IQGAP1: variants seen among roughly 807,000 people sequenced by gnomAD.
IQGAP1 encodes the protein IQ motif containing GTPase activating protein 1.
In IQGAP1, 66 loss-of-function variants were observed where a neutral mutation model predicts 215.6. That is an observed-to-expected ratio of 0.31 (90% CI 0.25 to 0.38). The LOEUF (loss-of-function observed/expected upper bound fraction) is 0.38. Ranked by LOEUF, IQGAP1 falls within the 10% of genes least tolerant of loss-of-function variation. The pLI, the probability that IQGAP1 is intolerant of heterozygous loss-of-function variation, is 1.00. For missense variants in IQGAP1, 1,712 were observed against 1,997.1 expected, an observed-to-expected ratio of 0.86 and a Z score of 2.72; for synonymous variants, 772 against 728.7, an observed-to-expected ratio of 1.06 and a Z score of -0.96.
At chr15:90,457,665 C>T (rs1965705015) in intron 15 of IQGAP1, among the ~76,000 whole-genome samples, 1 of 148,554 alleles carries the variant, frequency 6.7e-6, no homozygotes, top group Admixed American at 6.8e-5. Context: ...TGGTCTCGAA[C>T]TCCTGACCTC....
intron 2 of IQGAP1, among the ~76,000 whole-genome samples, chr15:90,399,941 T>C: frequency 6.6e-6 from 1 of 152,242 alleles, no homozygotes; most frequent in East Asian, 1.9e-4. Context: ...TATATATGAC[T>C]TTGTTATACT....
intron 15 of IQGAP1, among the ~76,000 whole-genome samples, chr15:90,464,808 C>T (rs530327319): frequency 3.8e-4 from 58 of 151,438 alleles, no homozygotes; most frequent in Admixed American, 2.6e-3. Flanking sequence ...GCCGAGATCA[C>T]GCCACTGCAC....
chr15:90,396,168 A>G (rs532241726), intron 2 of IQGAP1, among the ~76,000 whole-genome samples: 17 of 152,314 alleles, frequency 1.1e-4, no homozygotes, highest in South Asian at 4.1e-4. Context: ...TTTTTTGTGC[A>G]TATGTCTTTA....
intron 4 of IQGAP1, among the ~76,000 whole-genome samples, chr15:90,433,354 C>T (rs1413078701): frequency 6.6e-6 from 1 of 152,108 alleles, no homozygotes; most frequent in Non-Finnish European, 1.5e-5. Flanking sequence ...GTTCTGAAAG[C>T]CTCATACTCA....
intron 35 of IQGAP1, among the ~76,000 whole-genome samples, chr15:90,493,009 G>A (rs1244184178): frequency 2.0e-5 from 3 of 152,124 alleles, no homozygotes; most frequent in Non-Finnish European, 2.9e-5. Context: ...TTGGGAGGCC[G>A]AGGCGGGTGT....
chr15:90,492,441 A>AAAAAT, intron 34 of IQGAP1, 104 bp from the exon 35 acceptor site: 1 of 667,920 alleles, frequency 1.5e-6, no homozygotes, highest in Non-Finnish European at 2.3e-6. Context: ...AAAAAAAAAA[A>AAAAAT]GTAGGTAGTC....
chr15:90,467,620 A>C (rs1965849749), intron 18 of IQGAP1, 28 bp downstream of exon 18: 1 of 1,586,806 alleles, frequency 6.3e-7, no homozygotes, highest in Admixed American at 1.9e-5. Flanking sequence ...ACGTAAGAAG[A>C]AGCTGAGAGA....
chr15:90,465,938 C>A, intron 15 of IQGAP1, 63 bp from the exon 16 acceptor site: 1 of 1,253,418 alleles, frequency 8.0e-7, no homozygotes, highest in Non-Finnish European at 1.2e-6. Flanking sequence ...CCCCCTTCTT[C>A]ACATGTATGT....
chr15:90,399,983 G>C (rs539502198), intron 2 of IQGAP1, among the ~76,000 whole-genome samples: 83 of 152,168 alleles, frequency 5.5e-4, no homozygotes, highest in South Asian at 1.7e-3. Flanking sequence ...TCTGAAGCTA[G>C]CTTAATTTTA....
chr15:90,490,840 G>A (rs1193325925), intron 33 of IQGAP1, among the ~76,000 whole-genome samples: 2 of 152,038 alleles, frequency 1.3e-5, no homozygotes, highest in African/African-American at 4.8e-5. Context: ...ACGGAGTCTC[G>A]CTCTGTCGCC....
At chr15:90,390,676 T>G (rs2151692550) in intron 1 of IQGAP1, 98 bp from the exon 2 acceptor site, 1 of 795,654 alleles carries the variant, frequency 1.3e-6, no homozygotes, top group South Asian at 1.5e-5. Flanking sequence ...TTATCCTGAC[T>G]TTCTAGGTGA....
chr15:90,418,393 C>T (rs1475408784), intron 2 of IQGAP1, among the ~76,000 whole-genome samples: 1 of 151,822 alleles, frequency 6.6e-6, no homozygotes, highest in African/African-American at 2.4e-5. Context: ...TGGAGACCAG[C>T]CTGAGTAACA....
chr15:90,419,725 A>G (rs1965106236), intron 2 of IQGAP1, among the ~76,000 whole-genome samples: 1 of 152,228 alleles, frequency 6.6e-6, no homozygotes, highest in South Asian at 2.1e-4. Context: ...GCAGCTCTAT[A>G]TTCGGGGAAA....
intron 8 of IQGAP1, among the ~76,000 whole-genome samples, chr15:90,443,155 C>G (rs1965476001): frequency 6.6e-6 from 1 of 152,122 alleles, no homozygotes; most frequent in Non-Finnish European, 1.5e-5. Flanking sequence ...GAGATGGGGT[C>G]TCGCTATGTT....
At chr15:90,429,242 A>G (rs1965269577) in intron 3 of IQGAP1, among the ~76,000 whole-genome samples, 1 of 152,254 alleles carries the variant, frequency 6.6e-6, no homozygotes. Flanking sequence ...GTTTTTATAC[A>G]TACAAAGCAG....
chr15:90,484,302 A>G lies in IQGAP1; in HGVS notation c.3871A>G (p.Thr1291Ala), dbSNP rs767199108. The change falls in exon 30 of 38, where the codon ACC becomes GCC. Residue 1291 changes from threonine to alanine, a missense_variant. This residue lies in a region of IQGAP1 where 691 missense variants were observed against 923.0 expected (regional missense o/e 0.75). Transcript: ENST00000268182. Reference protein sequence around the residue: ...VDEYSDLVTLTKPVIYISIGE... With the variant: ...VDEYSDLVTLAKPVIYISIGE... Reference sequence around the variant, plus strand: ...TGAGTACTCTGATTTAGTAACCCTCACCAAACCAGTAATCTACATTTCCAT... The same window carrying G: ...TGAGTACTCTGATTTAGTAACCCTCGCCAAACCAGTAATCTACATTTCCAT... 6.2e-7 allele frequency: 1 copy of G among 1,612,976 alleles called. No homozygotes were observed. Among genetic ancestry groups the G allele is most frequent in the Admixed American group, 1.7e-5 (1 of 60,004 alleles).
At chr15:90,392,822 G>A (rs1166356708) in intron 2 of IQGAP1, among the ~76,000 whole-genome samples, 1 of 133,250 alleles carries the variant, frequency 7.5e-6, no homozygotes, top group Non-Finnish European at 1.5e-5. Context: ...TTGGCTCATT[G>A]CAACCTCCAC....
At position 90,470,943 on chromosome 15, in the gene IQGAP1, CAA is replaced by C. The variant is rs1263333571; in HGVS notation, c.2179-1895_2179-1894del. ...TTTCTCGACCTCTGCTTGAATTATA[CAA>C]AGAGTCCATTGGCTGCCTTCTCCTA... is the stretch of plus-strand genomic sequence containing the variant. On this transcript the variant is annotated intron_variant, in intron 18 of 37. Coordinates refer to ENST00000268182, the MANE Select transcript of IQGAP1 (RefSeq NM_003870.4). Among the ~76,000 whole-genome samples, 5 of 151,974 alleles carry C rather than the reference CAA, an allele frequency of 3.3e-5. No homozygotes were observed. In the East Asian group the frequency reaches 5.8e-4, roughly 18 times the overall value.
At chr15:90,492,264 A>G (rs989003008) in intron 34 of IQGAP1, among the ~76,000 whole-genome samples, 1 of 149,098 alleles carries the variant, frequency 6.7e-6, no homozygotes, top group Non-Finnish European at 1.5e-5. Context: ...CCATCTCTAC[A>G]AAAAAAAGTT....
Sources: gnomAD v4.1 joint callset for allele counts (sites outside exome capture counted in the v4.1 genomes callset) on GRCh38, gnomAD v4.1.1 for gene constraint, gnomAD v4.1.1 regional missense constraint, MANE v1.5 for transcripts, NCBI Gene and HGNC (gene_info 2026-07-23, HGNC 2026-07-21) for gene names.